The following KIAA1958 variants were observed in gnomAD, a reference collection of about 807,000 sequenced individuals.
KIAA1958 encodes uncharacterized protein KIAA1958.
KIAA1958 carries 14 observed loss-of-function variants against 47.2 expected under a neutral mutation model. That is an observed-to-expected ratio of 0.30 (90% confidence interval 0.20 to 0.46). The LOEUF (loss-of-function observed/expected upper bound fraction) is 0.46. Ranked by LOEUF, KIAA1958 falls within the 20% of genes least tolerant of loss-of-function variation. The pLI is 1.00. For missense variants in KIAA1958, 803 were observed against 909.2 expected (o/e 0.88, Z 1.50); for synonymous variants, 354 against 353.3 (o/e 1.00, Z -0.02).
chr9:112,492,382 C>A (rs1833985020), intron 1 of KIAA1958, among the ~76,000 whole-genome samples: 1 of 152,174 alleles, frequency 6.6e-6, no homozygotes, highest in South Asian at 2.1e-4. Context: ...CATATGACTT[C>A]ATTTTACCTT....
At chr9:112,494,865 A>G (rs949718707) in intron 1 of KIAA1958, among the ~76,000 whole-genome samples, 7 of 152,008 alleles carry the variant, frequency 4.6e-5, no homozygotes, top group African/African-American at 1.7e-4. Flanking sequence ...TTCTTATTGT[A>G]CATCCTCTTG....
At chr9:112,578,397 G>A (rs1835685482) in intron 2 of KIAA1958, among the ~76,000 whole-genome samples, 3 of 152,164 alleles carry the variant, frequency 2.0e-5, no homozygotes, top group Admixed American at 2.0e-4. Flanking sequence ...AAGAAGACAG[G>A]TTCTGAAAGC....
intron 2 of KIAA1958, among the ~76,000 whole-genome samples, chr9:112,577,776 G>GA (rs35264533): frequency 3.7e-4 from 54 of 146,074 alleles, no homozygotes; most frequent in African/African-American, 7.3e-4. Context: ...CAGCCTATTT[G>GA]AAAAAAAAAA....
Position 112,575,277 on chromosome 9 carries a change from T to C in KIAA1958, c.1171+26T>C, listed in dbSNP as rs374827237. ...GTATGGCACATGAGGCGACAGTGAG[T>C]CCCTCATCCACGCACGCCAGAATTC... On this transcript the variant is annotated intron_variant, in intron 2 of 3. Transcript: ENST00000337530. 2.8e-6 allele frequency: 4 copies of C among 1,447,410 alleles called. No individual in the cohort carries two copies. The African/African-American group carries it at 5.7e-5, about 20-fold the overall frequency. The allele number at this position is 1,447,410 out of a possible 1,614,324, so 89.7% of individuals were successfully genotyped here.
chr9:112,656,368 G>GT (rs1236324604), intron 3 of KIAA1958, among the ~76,000 whole-genome samples: 1 of 59,596 alleles, frequency 1.7e-5, no homozygotes, highest in East Asian at 5.3e-4. Context: ...GTGAGACTCT[G>GT]TCTCAAAAAA....
chr9:112,586,682 G>A (rs189931365), intron 2 of KIAA1958, among the ~76,000 whole-genome samples: 68 of 152,202 alleles, frequency 4.5e-4, no homozygotes, highest in African/African-American at 1.4e-3. Context: ...CCAAATATGC[G>A]AAATATACCC....
At chr9:112,646,020 T>A (rs1836969186) in intron 3 of KIAA1958, among the ~76,000 whole-genome samples, 198 bp downstream of exon 3, 1 of 151,516 alleles carries the variant, frequency 6.6e-6, no homozygotes, top group Non-Finnish European at 1.5e-5. Flanking sequence ...TGGAAATGCC[T>A]GAAAAGTTCA....
At chr9:112,520,876 A>G (rs1283657630) in intron 1 of KIAA1958, among the ~76,000 whole-genome samples, 1 of 152,112 alleles carries the variant, frequency 6.6e-6, no homozygotes, top group Non-Finnish European at 1.5e-5. Context: ...TATCCCCAGC[A>G]CCTGGCATGC....
intron 1 of KIAA1958, among the ~76,000 whole-genome samples, chr9:112,522,159 C>T (rs1015964867): frequency 6.6e-5 from 10 of 151,942 alleles, no homozygotes; most frequent in Non-Finnish European, 1.0e-4. Context: ...TTAGTAGAGA[C>T]GAGGTTTCTC....
intron 2 of KIAA1958, among the ~76,000 whole-genome samples, chr9:112,612,313 T>C (rs557836768): frequency 1.3e-5 from 2 of 151,856 alleles, no homozygotes; most frequent in East Asian, 1.9e-4. Flanking sequence ...CCCAGCTACG[T>C]TGGAGGATTG....
At chr9:112,520,723 A>G (rs1356793454) in intron 1 of KIAA1958, among the ~76,000 whole-genome samples, 2 of 152,234 alleles carry the variant, frequency 1.3e-5, no homozygotes, top group African/African-American at 2.4e-5. Flanking sequence ...TTAGTTCCCA[A>G]TAAGAACAAA....
chr9:112,552,506 G>A (rs1285744259), intron 1 of KIAA1958, among the ~76,000 whole-genome samples: 2 of 152,190 alleles, frequency 1.3e-5, no homozygotes, highest in African/African-American at 4.8e-5. Context: ...ATTATAAGAG[G>A]CAGTCACTCT....
intron 1 of KIAA1958, among the ~76,000 whole-genome samples, chr9:112,564,801 A>G (rs1286608888): frequency 6.6e-6 from 1 of 152,230 alleles, no homozygotes; most frequent in Non-Finnish European, 1.5e-5. Context: ...GACTTGAGAC[A>G]GTATCTTCCT....
intron 1 of KIAA1958, among the ~76,000 whole-genome samples, chr9:112,570,274 G>T (rs180853528): frequency 2.6e-5 from 4 of 152,280 alleles, no homozygotes; most frequent in Admixed American, 2.6e-4. Flanking sequence ...TTTATTTTCT[G>T]CTGGAGGGCG....
intron 2 of KIAA1958, among the ~76,000 whole-genome samples, chr9:112,621,013 A>G (rs1043927513): frequency 1.3e-5 from 2 of 152,118 alleles, no homozygotes; most frequent in African/African-American, 2.4e-5. Flanking sequence ...AGATAAGTCA[A>G]TTAGGTCATA....
At chr9:112,564,898 T>G (rs1835401734) in intron 1 of KIAA1958, among the ~76,000 whole-genome samples, 1 of 152,246 alleles carries the variant, frequency 6.6e-6, no homozygotes, top group Non-Finnish European at 1.5e-5. Flanking sequence ...CTCTGCCATT[T>G]ACTTTGTGCA....
intron 1 of KIAA1958, among the ~76,000 whole-genome samples, chr9:112,516,114 AAT>A (rs1761387165): frequency 6.6e-6 from 1 of 152,130 alleles, no homozygotes; most frequent in Non-Finnish European, 1.5e-5. Flanking sequence ...CTGCAGAAGA[AAT>A]ACTAGAAATT....
chr9:112,556,891 G>A (rs1334445617), intron 1 of KIAA1958, among the ~76,000 whole-genome samples: 7 of 152,202 alleles, frequency 4.6e-5, no homozygotes, highest in Non-Finnish European at 8.8e-5. Context: ...AAGGTTGAGC[G>A]TACAGGTGGA....
chr9:112,500,676 T>G (rs1834119521), intron 1 of KIAA1958, among the ~76,000 whole-genome samples: 1 of 152,164 alleles, frequency 6.6e-6, no homozygotes, highest in Non-Finnish European at 1.5e-5. Flanking sequence ...GAACATACTG[T>G]TGGCCTGAGA....
Sources: gnomAD v4.1 joint callset for allele counts (sites outside exome capture counted in the v4.1 genomes callset) on GRCh38, gnomAD v4.1.1 for gene constraint, MANE v1.5 for transcripts, NCBI Gene and HGNC (gene_info 2026-07-23, HGNC 2026-07-21) for gene names.